ZNF568: variants seen among roughly 807,000 people sequenced by gnomAD.
ZNF568 encodes the protein zinc finger protein 568, also known as p53 inhibitor of SCO2 activation.
A neutral mutation model predicts 18.1 loss-of-function variants in ZNF568; 11 were observed. The observed-to-expected ratio is 0.61, with a 90% confidence interval of 0.38 to 1.00. The LOEUF (loss-of-function observed/expected upper bound fraction) is 1.00, where lower values mean the gene tolerates loss of function less well. Ranked by LOEUF, ZNF568 falls within the 50% of genes least tolerant of loss-of-function variation. ZNF568 has a pLI of 0.01. For synonymous variants in ZNF568, 213 were observed against 246.6 expected, an observed-to-expected ratio of 0.86 and a Z score of 1.28; for missense variants, 639 against 768.2, an observed-to-expected ratio of 0.83 and a Z score of 1.99.
At chr19:36,959,833 G>A (rs530819332) in intron 6 of ZNF568, among the ~76,000 whole-genome samples, 1 of 151,998 alleles carries the variant, frequency 6.6e-6, no homozygotes, top group Non-Finnish European at 1.5e-5. Flanking sequence ...TATTTCTGTA[G>A]TATCAGTTGT....
Position 36,917,657 on chromosome 19 carries a change from AG to A in ZNF568, c.-186+10del, listed in dbSNP as rs751666990. 1.2e-4 allele frequency: 19 copies of A among 152,344 alleles called. No individual in the cohort carries two copies. The highest frequency in any genetic ancestry group is 2.4e-4 in the Non-Finnish European group (16 of 68,032). The allele number at this position is 152,344 out of a possible 1,614,324, so 9.4% of individuals were successfully genotyped here. Reference sequence around the variant, plus strand: ...GACTGTTATTTTAATAGGTGAGTATAGTTCAGTGGCATTTATCATGATTGCT... The same window carrying A: ...GACTGTTATTTTAATAGGTGAGTATATTCAGTGGCATTTATCATGATTGCT... On this transcript the variant is annotated intron_variant, in intron 2 of 6. Transcript: ENST00000333987.
chr19:36,988,819 A>G (rs948753400), intron 2 of ZNF568, among the ~76,000 whole-genome samples: 2 of 152,134 alleles, frequency 1.3e-5, no homozygotes, highest in African/African-American at 2.4e-5. Context: ...TAGTGTATCT[A>G]TCACCTCATG....
chr19:36,987,674 C>T (rs559791378), intron 2 of ZNF568, among the ~76,000 whole-genome samples: 28 of 152,042 alleles, frequency 1.8e-4, no homozygotes, highest in Admixed American at 1.8e-3. Context: ...CAAAAGGGAG[C>T]CCAGGCCCTG....
At chr19:36,975,770 G>T (rs1017477904) in intron 7 of ZNF568, among the ~76,000 whole-genome samples, 1 of 131,214 alleles carries the variant, frequency 7.6e-6, no homozygotes, top group Non-Finnish European at 1.6e-5. Context: ...ATCTGAGCTC[G>T]CTGCAACCTC....
intron 6 of ZNF568, among the ~76,000 whole-genome samples, chr19:36,972,311 G>C (rs1295703587): frequency 1.3e-5 from 2 of 152,046 alleles, no homozygotes; most frequent in Non-Finnish European, 2.9e-5. Flanking sequence ...ACATACTTCT[G>C]TCATTAAATA....
chr19:36,947,484 C>A (rs1372132368), intron 6 of ZNF568, among the ~76,000 whole-genome samples: 1 of 152,170 alleles, frequency 6.6e-6, no homozygotes, highest in Non-Finnish European at 1.5e-5. Context: ...CACATGGGAA[C>A]TCTACATGCA....
At chr19:36,970,458 C>T (rs1410197217) in intron 6 of ZNF568, among the ~76,000 whole-genome samples, 2 of 151,874 alleles carry the variant, frequency 1.3e-5, no homozygotes, top group Non-Finnish European at 2.9e-5. Context: ...GATCCTCCAG[C>T]CTCAGCCTCC....
intron 2 of ZNF568, among the ~76,000 whole-genome samples, chr19:36,987,204 T>A (rs1215768833): frequency 6.6e-6 from 1 of 152,110 alleles, no homozygotes; most frequent in Non-Finnish European, 1.5e-5. Context: ...GGAGAGAATG[T>A]CAGGCAGGAA....
At chr19:36,983,893 CT>C (rs57048125), downstream of ZNF568, among the ~76,000 whole-genome samples, 47 of 108,548 alleles carry the variant, frequency 4.3e-4, no homozygotes, top group Middle Eastern at 6.4e-3. Flanking sequence ...CAACTTTGTC[CT>C]TTTTTTTTTT....
intron 6 of ZNF568, among the ~76,000 whole-genome samples, chr19:36,938,130 C>G (rs562869078): frequency 6.6e-6 from 1 of 152,186 alleles, no homozygotes; most frequent in African/African-American, 2.4e-5. Flanking sequence ...ATTTAACATC[C>G]TTTTAATGCC....
Position 36,949,262 on chromosome 19 carries a change from C to T in ZNF568, c.359-250C>T, listed in dbSNP as rs1019328928. Among the ~76,000 whole-genome samples the T allele has an allele frequency of 6.6e-5, 10 of 152,134 alleles. No homozygotes were observed. In the South Asian group the frequency reaches 1.4e-3, roughly 22 times the overall value. On this transcript the variant is annotated intron_variant, in intron 6 of 6. Transcript: ENST00000333987. ...TCATTTTGCTGATTTCTGCACTATACGTGGACGCTTTAAAAATCAGTCAAG... is the reference window on the plus strand; with the variant it reads ...TCATTTTGCTGATTTCTGCACTATATGTGGACGCTTTAAAAATCAGTCAAG...
At position 36,962,283 on chromosome 19, in the gene ZNF568, T is replaced by A. The variant is rs1386243282; in HGVS notation, c.359-12137T>A. On this transcript the variant is annotated intron_variant, in intron 6 of 7. Coordinates refer to the ZNF568 transcript ENST00000427117. ...TGATGGTAAGTGTTGCAGTGTTTTT[T>A]TTTTTTTTTTTTTTTTTGCTTCCAG... is the stretch of plus-strand genomic sequence containing the variant. Among the ~76,000 whole-genome samples the A allele has an allele frequency of 6.2e-3, 875 of 142,094 alleles. 7 individuals carry two copies. Among genetic ancestry groups the A allele is most frequent in the African/African-American group, 0.021 (821 of 38,380 alleles). 93.2% of individuals were successfully genotyped at this position (142,094 alleles called of 152,430 possible). A position where few individuals can be genotyped will look rare whatever the true frequency, so the allele number is the denominator to read the frequency against.
chr19:36,965,171 T>C (rs1252206632), intron 6 of ZNF568, among the ~76,000 whole-genome samples: 1 of 152,182 alleles, frequency 6.6e-6, no homozygotes, highest in African/African-American at 2.4e-5. Context: ...TATAACAGTA[T>C]TAAGAGGTGG....
chr19:36,968,431 G>A (rs1373331400), intron 6 of ZNF568, among the ~76,000 whole-genome samples: 1 of 129,492 alleles, frequency 7.7e-6, no homozygotes, highest in Non-Finnish European at 1.7e-5. Flanking sequence ...AAATTAGCCG[G>A]GCGTGGTGGC....
chr19:36,964,131 T>A (rs1190991954), intron 6 of ZNF568, among the ~76,000 whole-genome samples: 2 of 143,216 alleles, frequency 1.4e-5, no homozygotes. Flanking sequence ...CTTTGTAAGA[T>A]CTCAGGAAGG....
intron 2 of ZNF568, among the ~76,000 whole-genome samples, chr19:36,987,203 G>A (rs780085405): frequency 1.2e-4 from 18 of 152,172 alleles, no homozygotes; most frequent in Non-Finnish European, 2.2e-4. Flanking sequence ...AGGAGAGAAT[G>A]TCAGGCAGGA....
chr19:36,991,842 T>C, exon 4 of ZNF568: 1 of 1,568,204 alleles, frequency 6.4e-7, no homozygotes, highest in Non-Finnish European at 8.6e-7. Flanking sequence ...AAGAATGGTG[T>C]CCAGGTGAGT....
chr19:36,984,735 T>C (rs1270072698), downstream of ZNF568, among the ~76,000 whole-genome samples: 1 of 152,138 alleles, frequency 6.6e-6, no homozygotes, highest in Non-Finnish European at 1.5e-5. Context: ...AAAGGTGTTT[T>C]ACCCTCACAC....
rs2074032705 is a variant in ZNF568, at chr19:36,950,109, C to G, written c.956C>G (p.Ser319Ter). Residue 319 changes from serine (S) to a stop codon, truncating the protein, a stop_gained, in exon 7 of 7, where the codon TCA (serine) becomes TGA (stop). Coordinates refer to ENST00000333987, the MANE Select transcript of ZNF568 (RefSeq NM_198539.4). LOFTEE classifies it low-confidence loss of function (END_TRUNC). ...TGTTGGAAAGCCTTCAGTCAGAAAT[C>G]AAATCTCATTGAACATGAGCGAATT... is the stretch of plus-strand genomic sequence containing the variant. ...KDCWKAFSQK[S>*]NLIEHERIHT... is the part of the protein sequence containing the mutation. 2 of 1,613,632 alleles carry G rather than the reference C, an allele frequency of 1.2e-6. No homozygotes were observed. The highest frequency in any genetic ancestry group is 1.7e-6 in the Non-Finnish European group (2 of 1,179,930).
Sources: allele counts gnomAD v4.1 joint callset (sites outside exome capture counted in the v4.1 genomes callset), GRCh38; gene constraint gnomAD v4.1.1; transcripts MANE v1.5; gene names NCBI Gene and HGNC (gene_info 2026-07-23, HGNC 2026-07-21).